Variants in MOXD1 observed in about 807,000 individuals in gnomAD.
MOXD1 encodes monooxygenase DBH like 1.
In MOXD1, 62 loss-of-function variants were observed where a neutral mutation model predicts 66.6. That is an observed-to-expected ratio of 0.93 (90% confidence interval 0.76 to 1.15). The LOEUF is 1.15. Ranked by LOEUF, MOXD1 falls within the 50% of genes most tolerant of loss-of-function variation. The pLI, the probability that MOXD1 is intolerant of heterozygous loss-of-function variation, is 0.00. For synonymous variants in MOXD1, 303 were observed against 281.9 expected (o/e 1.07, Z -0.75); for missense variants, 847 against 754.6 (o/e 1.12, Z -1.44).
chr6:132,381,823 A>T (rs1776518892), intron 1 of MOXD1, among the ~76,000 whole-genome samples: 1 of 152,190 alleles, frequency 6.6e-6, no homozygotes, highest in Admixed American at 6.5e-5. Flanking sequence ...GACATTCACA[A>T]AACCATACTG....
At chr6:132,361,294 G>T (rs191033312) in intron 4 of MOXD1, among the ~76,000 whole-genome samples, 113 of 150,178 alleles carry the variant, frequency 7.5e-4, no homozygotes, top group African/African-American at 2.5e-3. Flanking sequence ...GAAACAGCTG[G>T]TGTTTTTGCC....
In MOXD1 at chr6:132,387,751, T is replaced by TGA. The variant is rs751701487; in HGVS notation, c.265-12975_265-12974insTC. On this transcript the variant is annotated intron_variant, in intron 1 of 11. Transcript: ENST00000367963. ...TCTGGCAAAAAAGTGAAACTCCATC[T>TGA]AAAAAAAAAAAAAAAAAAAAAAAAG... Among the ~76,000 whole-genome samples the TGA allele has an allele frequency of 4.3e-4, 30 of 69,522 alleles. 1 individual carries two copies. The East Asian group carries it at 4.9e-3, about 11-fold the overall frequency. The allele number at this position is 69,522 out of a possible 152,430, so 45.6% of individuals were successfully genotyped here. A position where few individuals can be genotyped will look rare whatever the true frequency, so the allele number is the denominator to read the frequency against.
intron 1 of MOXD1, among the ~76,000 whole-genome samples, chr6:132,384,867 A>G (rs1311624860): frequency 6.6e-6 from 1 of 152,200 alleles, no homozygotes; most frequent in Admixed American, 6.5e-5. Flanking sequence ...AGCAAGTGGC[A>G]TAATGTGTAT....
intron 1 of MOXD1, among the ~76,000 whole-genome samples, chr6:132,395,657 C>T (rs1424301908): frequency 6.6e-6 from 1 of 152,096 alleles, no homozygotes; most frequent in Admixed American, 6.6e-5. Flanking sequence ...AAGCCATATA[C>T]TAACTGAAAT....
At chr6:132,297,555 C>T (rs1035962408) in intron 11 of MOXD1, among the ~76,000 whole-genome samples, 15 of 152,106 alleles carry the variant, frequency 9.9e-5, no homozygotes, top group African/African-American at 2.9e-4. Flanking sequence ...GCACTCATTC[C>T]GGCCTGTTCC....
intron 4 of MOXD1, among the ~76,000 whole-genome samples, chr6:132,372,358 G>A (rs771558609): frequency 1.2e-4 from 18 of 151,994 alleles, no homozygotes; most frequent in Admixed American, 3.3e-4. Context: ...AATAATTAGC[G>A]GTGTTCATGT....
At chr6:132,331,696 A>G (rs1775322509) in intron 4 of MOXD1, among the ~76,000 whole-genome samples, 1 of 152,218 alleles carries the variant, frequency 6.6e-6, no homozygotes, top group South Asian at 2.1e-4. Flanking sequence ...TTACAGATTT[A>G]CTGAAACTCA....
intron 4 of MOXD1, among the ~76,000 whole-genome samples, chr6:132,333,749 T>G (rs1408871748): frequency 2.6e-5 from 4 of 152,216 alleles, no homozygotes; most frequent in Non-Finnish European, 5.9e-5. Flanking sequence ...AGACCCAGAA[T>G]GGTGACAGGC....
intron 10 of MOXD1, among the ~76,000 whole-genome samples, chr6:132,300,773 G>A (rs1056881658): frequency 2.4e-4 from 37 of 152,208 alleles, no homozygotes; most frequent in African/African-American, 8.7e-4. Context: ...GTTGGAGACA[G>A]AATGACTGAG....
intron 1 of MOXD1, chr6:132,375,105 G>A (rs774685227): frequency 5.3e-6 from 2 of 376,110 alleles, no homozygotes; most frequent in East Asian, 4.1e-5. Flanking sequence ...ATGTCTTACC[G>A]CAAAGTTTGC....
chr6:132,391,936 C>T, intron 1 of MOXD1: 1 of 380,718 alleles, frequency 2.6e-6, no homozygotes, highest in Non-Finnish European at 4.7e-6. Context: ...GAGCATGTGT[C>T]CTTATTACTA....
chr6:132,361,109 C>T (rs1199210767), intron 4 of MOXD1, among the ~76,000 whole-genome samples: 1 of 152,104 alleles, frequency 6.6e-6, no homozygotes, highest in Non-Finnish European at 1.5e-5. Flanking sequence ...ATTTTAAAGT[C>T]AGTGAGGTGG....
At chr6:132,385,439 T>C (rs1776605619) in intron 1 of MOXD1, among the ~76,000 whole-genome samples, 1 of 149,408 alleles carries the variant, frequency 6.7e-6, no homozygotes, top group Non-Finnish European at 1.5e-5. Context: ...ATAACAACTA[T>C]AGAGAATTCA....
At chr6:132,368,585 C>T (rs993291858) in intron 4 of MOXD1, among the ~76,000 whole-genome samples, 1 of 152,050 alleles carries the variant, frequency 6.6e-6, no homozygotes, top group African/African-American at 2.4e-5. Context: ...GAGATAAAAT[C>T]ATTTATGTTT....
rs551597227 is a variant in MOXD1 at position 132,338,240 on chromosome 6, A to G, written c.664-9646T>C. Reference sequence around the variant, plus strand: ...AATGTGCTCCTGACCACCACGTGATATACTCGTATCTTTATTAGCAGGGTC... The same window carrying G: ...AATGTGCTCCTGACCACCACGTGATGTACTCGTATCTTTATTAGCAGGGTC... On this transcript the variant is annotated intron_variant, in intron 4 of 11. Coordinates refer to ENST00000367963, the MANE Select transcript of MOXD1 (RefSeq NM_015529.4). Among the ~76,000 whole-genome samples, 11 of 152,272 alleles carry G rather than the reference A, an allele frequency of 7.2e-5. No homozygotes were observed. The South Asian group carries it at 2.1e-3, about 29-fold the overall frequency.
At chr6:132,396,537 C>A (rs921018891) in intron 1 of MOXD1, among the ~76,000 whole-genome samples, 2 of 137,724 alleles carry the variant, frequency 1.5e-5, no homozygotes, top group Non-Finnish European at 3.0e-5. Context: ...AAGATCAGAG[C>A]AACACTAAAC....
At chr6:132,341,052 T>A (rs944603203) in intron 4 of MOXD1, among the ~76,000 whole-genome samples, 1 of 152,236 alleles carries the variant, frequency 6.6e-6, no homozygotes, top group Non-Finnish European at 1.5e-5. Flanking sequence ...ATAGGAGTTA[T>A]AACAATAGTC....
rs139469008 is a variant in MOXD1, at chr6:132,304,733, A to G, written c.1509-6778T>C. Among the ~76,000 whole-genome samples the G allele has an allele frequency of 3.5e-3, 530 of 152,338 alleles. 4 individuals carry two copies. Among genetic ancestry groups the G allele is most frequent in the African/African-American group, 0.012 (494 of 41,576 alleles). Reference sequence around the variant, plus strand: ...GCGAACCTGCTTTACAATAACCAATAAACATGTGAAAGAGGCTCAGTATCA... The same window carrying G: ...GCGAACCTGCTTTACAATAACCAATGAACATGTGAAAGAGGCTCAGTATCA... On this transcript the variant is annotated intron_variant, in intron 10 of 11. Coordinates refer to ENST00000367963, the MANE Select transcript of MOXD1 (RefSeq NM_015529.4).
chr6:132,327,011 C>T (rs534605773), intron 6 of MOXD1, among the ~76,000 whole-genome samples: 140 of 152,288 alleles, frequency 9.2e-4, no homozygotes, highest in Non-Finnish European at 1.6e-3. Context: ...GGGTAAAAAT[C>T]CTTAATGGGT....
Sources: allele counts gnomAD v4.1 joint callset (sites outside exome capture counted in the v4.1 genomes callset), GRCh38; gene constraint gnomAD v4.1.1; transcripts MANE v1.5; gene names NCBI Gene and HGNC (gene_info 2026-07-23, HGNC 2026-07-21).